Variants in TRPS1 observed in about 807,000 individuals in gnomAD.
TRPS1 encodes transcriptional repressor GATA binding 1.
TRPS1 carries 6 observed loss-of-function variants against 101.2 expected under a neutral mutation model. The ratio of observed to expected loss-of-function variants is 0.06; its 90% CI spans 0.03 to 0.12. TRPS1 has a LOEUF of 0.12. TRPS1 is among the 10% of genes least tolerant of loss of function. The pLI is 1.00. For synonymous variants in TRPS1, 578 were observed against 589.8 expected (o/e 0.98, Z 0.29); for missense variants, 1,363 against 1,567.0 (o/e 0.87, Z 2.20).
In TRPS1 at chr8:115,619,713, G is replaced by A; in HGVS notation, c.385C>T (p.Pro129Ser). Residue 129 changes from proline to serine, a missense_variant, in exon 3 of 7, where the codon CCA (proline) becomes TCA (serine). By Grantham distance (74) the Pro-to-Ser change is moderately conservative (BLOSUM62 -1). Transcript: ENST00000395715. ...TDRNMLAFSSPAAGGVCEPLK... is the reference protein window; with the variant it reads ...TDRNMLAFSSSAAGGVCEPLK... The stretch of plus-strand genomic sequence containing the variant: ...GGCTCACAGACTCCCCCAGCAGCTG[G>A]AGATGAGAAAGCCAACATATTTCTG... 1 of 1,614,184 alleles carries A rather than the reference G, an allele frequency of 6.2e-7. No individual in the cohort carries two copies. Among genetic ancestry groups the A allele is most frequent in the Non-Finnish European group, 8.5e-7 (1 of 1,180,038 alleles).
intron 1 of TRPS1, among the ~76,000 whole-genome samples, chr8:115,639,198 G>A (rs1199985422): frequency 6.6e-6 from 1 of 152,050 alleles, no homozygotes; most frequent in Non-Finnish European, 1.5e-5. Flanking sequence ...CAAGTATCTG[G>A]GACAACAGGC....
chr8:115,668,701 C>G lies in TRPS1; in HGVS notation c.-278G>C, dbSNP rs911329156. The G allele has an allele frequency of 5.0e-5, 7 of 139,530 alleles. No homozygotes were observed. Among genetic ancestry groups the G allele is most frequent in the Admixed American group, 1.4e-4 (2 of 13,896 alleles). The allele number at this position is 139,530 out of a possible 1,614,324, so 8.6% of individuals were successfully genotyped here. A position where few individuals can be genotyped will look rare whatever the true frequency, so the allele number is the denominator to read the frequency against. On this transcript the variant is annotated 5_prime_UTR_variant, in exon 1 of 7. Transcript: ENST00000395715. ...TCCTGCCTCCCCCCCCTTTCCCTCC[C>G]CCACCCTTATTAAAAAAGAGAGAGA...
At chr8:115,637,313 G>A (rs1053286610) in intron 1 of TRPS1, 12 of 985,290 alleles carry the variant, frequency 1.2e-5, no homozygotes, top group Non-Finnish European at 6.0e-6. Flanking sequence ...GGAGAAAGCA[G>A]GAAGCCACTT....
intron 5 of TRPS1, among the ~76,000 whole-genome samples, chr8:115,430,295 A>G (rs577123731): frequency 6.6e-6 from 1 of 152,306 alleles, no homozygotes; most frequent in South Asian, 2.1e-4. Context: ...TTCATGTGCA[A>G]GTCACACAGG....
chr8:115,529,614 C>G (rs1358654491), intron 5 of TRPS1, among the ~76,000 whole-genome samples: 2 of 152,088 alleles, frequency 1.3e-5, no homozygotes, highest in Non-Finnish European at 2.9e-5. Flanking sequence ...ACAGAAAATT[C>G]CACACCCATT....
At chr8:115,636,651 C>T (rs752090136) in intron 1 of TRPS1, among the ~76,000 whole-genome samples, 13 of 152,144 alleles carry the variant, frequency 8.5e-5, no homozygotes, top group Non-Finnish European at 1.5e-4. Context: ...TGGTGGCTCA[C>T]GCCTTTAACC....
intron 5 of TRPS1, among the ~76,000 whole-genome samples, chr8:115,445,586 G>A (rs1813712379): frequency 6.6e-6 from 1 of 152,154 alleles, no homozygotes; most frequent in Admixed American, 6.5e-5. Flanking sequence ...CAAATTCGGA[G>A]AGGCAGGAAA....
chr8:115,549,120 A>G (rs1192395081), intron 5 of TRPS1, among the ~76,000 whole-genome samples: 1 of 152,204 alleles, frequency 6.6e-6, no homozygotes, highest in Non-Finnish European at 1.5e-5. Flanking sequence ...ATCACAAAGA[A>G]AAATCTTTGA....
At chr8:115,607,122 G>T (rs920880520) in intron 3 of TRPS1, among the ~76,000 whole-genome samples, 1 of 152,000 alleles carries the variant, frequency 6.6e-6, no homozygotes, top group African/African-American at 2.4e-5. Flanking sequence ...AGCCTCATGT[G>T]CCATGACCAC....
In TRPS1 at chr8:115,408,927, A is replaced by C. The variant is rs534603174; in HGVS notation, c.*5096T>G. On this transcript the variant is annotated 3_prime_UTR_variant, in exon 7 of 7. Coordinates refer to ENST00000395715, the MANE Select transcript of TRPS1 (RefSeq NM_014112.5). ...TTGCCTTATTGGTAGCCATTAAGAA[A>C]CTATGATTTTATCAGCCTAGTAATA... 7 of 152,328 alleles carry C rather than the reference A, an allele frequency of 4.6e-5. No homozygotes were observed. In the South Asian group the frequency reaches 1.5e-3, roughly 32 times the overall value. 9.4% of individuals were successfully genotyped at this position (152,328 alleles called of 1,614,324 possible). A position where few individuals can be genotyped will look rare whatever the true frequency, so the allele number is the denominator to read the frequency against.
At chr8:115,586,739 G>A (rs1370506237) in intron 5 of TRPS1, among the ~76,000 whole-genome samples, 1 of 152,158 alleles carries the variant, frequency 6.6e-6, no homozygotes, top group African/African-American at 2.4e-5. Flanking sequence ...ATAGTCACCA[G>A]GAATGATTAA....
chr8:115,643,072 A>G (rs1332103986), intron 1 of TRPS1, among the ~76,000 whole-genome samples: 1 of 152,182 alleles, frequency 6.6e-6, no homozygotes, highest in African/African-American at 2.4e-5. Flanking sequence ...TGTTTAAAAA[A>G]TACACTTAGT....
intron 5 of TRPS1, among the ~76,000 whole-genome samples, chr8:115,482,579 G>A (rs1428462351): frequency 6.6e-6 from 1 of 152,138 alleles, no homozygotes; most frequent in Non-Finnish European, 1.5e-5. Flanking sequence ...AAGTTTAACT[G>A]AATAAACATA....
intron 5 of TRPS1, among the ~76,000 whole-genome samples, chr8:115,430,593 A>G (rs1442756718): frequency 1.3e-5 from 2 of 152,140 alleles, no homozygotes; most frequent in African/African-American, 4.8e-5. Flanking sequence ...GAAAATTAAT[A>G]AATTCTGGGC....
intron 5 of TRPS1, among the ~76,000 whole-genome samples, chr8:115,583,641 A>G (rs896245666): frequency 1.3e-5 from 2 of 152,104 alleles, no homozygotes; most frequent in African/African-American, 2.4e-5. Flanking sequence ...AAAATTTTGT[A>G]GAAATATTGT....
chr8:115,580,499 T>G (rs1445595369), intron 5 of TRPS1, among the ~76,000 whole-genome samples: 2 of 152,018 alleles, frequency 1.3e-5, no homozygotes, highest in African/African-American at 2.4e-5. Context: ...ACTCTTCACT[T>G]CCAACATCTA....
chr8:115,546,569 C>A (rs1268933967), intron 5 of TRPS1, among the ~76,000 whole-genome samples: 1 of 270 alleles, frequency 3.7e-3, no homozygotes, highest in Non-Finnish European at 9.3e-3. Flanking sequence ...AACTCTCTGG[C>A]ATGTAAAATG....
chr8:115,649,601 G>T (rs577361600), intron 1 of TRPS1, among the ~76,000 whole-genome samples: 3 of 152,200 alleles, frequency 2.0e-5, no homozygotes, highest in Non-Finnish European at 4.4e-5. Flanking sequence ...CTCTTGGAAC[G>T]CAGCCTTTCC....
At chr8:115,622,415 T>G (rs1288720233) in intron 2 of TRPS1, among the ~76,000 whole-genome samples, 1 of 152,164 alleles carries the variant, frequency 6.6e-6, no homozygotes, top group Non-Finnish European at 1.5e-5. Context: ...AAAAAATTAG[T>G]TATCATTTAA....
Sources: allele counts gnomAD v4.1 joint callset (sites outside exome capture counted in the v4.1 genomes callset), GRCh38; gene constraint gnomAD v4.1.1; transcripts MANE v1.5; gene names NCBI Gene and HGNC (gene_info 2026-07-23, HGNC 2026-07-21).